Variants in UNC5D observed in about 807,000 individuals in gnomAD.
The protein encoded by UNC5D is unc-5 netrin receptor D.
A neutral mutation model predicts 105.4 loss-of-function variants in UNC5D; 39 were observed. The ratio of observed to expected loss-of-function variants is 0.37; its 90% CI spans 0.29 to 0.48. The LOEUF (loss-of-function observed/expected upper bound fraction) is 0.48, where lower values mean the gene tolerates loss of function less well. Ranked by LOEUF, UNC5D falls within the 20% of genes least tolerant of loss-of-function variation. The pLI is 0.98. For synonymous variants in UNC5D, 452 were observed against 450.4 expected, an observed-to-expected ratio of 1.00 and a Z score of -0.04; for missense variants, 991 against 1,202.4, an observed-to-expected ratio of 0.82 and a Z score of 2.60.
At chr8:35,646,827 ACT>A (rs1455369332) in intron 4 of UNC5D, among the ~76,000 whole-genome samples, 1 of 152,166 alleles carries the variant, frequency 6.6e-6, no homozygotes, top group Admixed American at 6.5e-5. Flanking sequence ...TAAAAGAATA[ACT>A]CTGACTTAAT....
At chr8:35,409,467 T>C (rs1237811488) in intron 1 of UNC5D, among the ~76,000 whole-genome samples, 2 of 149,414 alleles carry the variant, frequency 1.3e-5, no homozygotes, top group African/African-American at 2.4e-5. Flanking sequence ...TGGTTTCTCA[T>C]GGTTTTAACT....
chr8:35,356,059 T>A (rs533261020), intron 1 of UNC5D, among the ~76,000 whole-genome samples: 2 of 152,150 alleles, frequency 1.3e-5, no homozygotes, highest in Non-Finnish European at 2.9e-5. Context: ...GCTGGGTTTA[T>A]AGGAGTGTGC....
chr8:35,646,233 G>A (rs1376352850), intron 4 of UNC5D, among the ~76,000 whole-genome samples: 2 of 152,036 alleles, frequency 1.3e-5, no homozygotes, highest in African/African-American at 4.8e-5. Context: ...CTAGGTGATA[G>A]GTGAGGTGGA....
At chr8:35,628,807 CTAAT>C (rs1349420123) in intron 4 of UNC5D, among the ~76,000 whole-genome samples, 2 of 152,164 alleles carry the variant, frequency 1.3e-5, no homozygotes, top group African/African-American at 4.8e-5. Context: ...CAGTGATACA[CTAAT>C]TAGAGATTTC....
intron 1 of UNC5D, among the ~76,000 whole-genome samples, chr8:35,468,668 CACTA>C (rs1390495580): frequency 2.0e-5 from 3 of 152,168 alleles, no homozygotes; most frequent in African/African-American, 7.2e-5. Flanking sequence ...TGGTTTCCAG[CACTA>C]ACTACTTTAT....
At chr8:35,395,455 T>G (rs1002384688) in intron 1 of UNC5D, among the ~76,000 whole-genome samples, 2 of 152,146 alleles carry the variant, frequency 1.3e-5, no homozygotes, top group African/African-American at 4.8e-5. Flanking sequence ...CAGGAGATAG[T>G]GGGGTGGAGT....
chr8:35,613,034 G>T (rs143723226), intron 4 of UNC5D, among the ~76,000 whole-genome samples: 1 of 152,152 alleles, frequency 6.6e-6, no homozygotes, highest in East Asian at 1.9e-4. Flanking sequence ...CCACTCTTCA[G>T]GGCAGGTAGA....
intron 1 of UNC5D, among the ~76,000 whole-genome samples, chr8:35,292,753 G>A (rs1405657859): frequency 1.7e-5 from 2 of 121,170 alleles, no homozygotes; most frequent in Non-Finnish European, 3.2e-5. Flanking sequence ...GTCTCACTTC[G>A]TTGCCCAGGC....
At chr8:35,679,575 C>A (rs981718446) in intron 4 of UNC5D, among the ~76,000 whole-genome samples, 5 of 152,050 alleles carry the variant, frequency 3.3e-5, no homozygotes, top group African/African-American at 9.7e-5. Flanking sequence ...GCTAGAACCC[C>A]CATAAGGATT....
chr8:35,333,437 T>G (rs1354909992), intron 1 of UNC5D, among the ~76,000 whole-genome samples: 1 of 152,174 alleles, frequency 6.6e-6, no homozygotes, highest in East Asian at 1.9e-4. Flanking sequence ...AGTCTTTTCC[T>G]TAAAGTGACC....
At chr8:35,726,728 G>T in intron 10 of UNC5D, 199 bp downstream of exon 10, 1 of 774,812 alleles carries the variant, frequency 1.3e-6, no homozygotes, top group Middle Eastern at 2.5e-4. Context: ...CTTCATCTCA[G>T]CATGGATTGA....
chr8:35,507,266 A>G (rs1038788165), intron 1 of UNC5D, among the ~76,000 whole-genome samples: 60 of 151,920 alleles, frequency 3.9e-4, no homozygotes, highest in Non-Finnish European at 6.5e-4. Context: ...CGTTTTAGCC[A>G]GGATGGTCTC....
At chr8:35,240,025 T>G (rs577200419) in intron 1 of UNC5D, among the ~76,000 whole-genome samples, 8 of 152,230 alleles carry the variant, frequency 5.3e-5, no homozygotes, top group Admixed American at 2.6e-4. Flanking sequence ...AGTGGCGAAC[T>G]CCTAGGCTCA....
At chr8:35,384,256 A>G (rs1354255553) in intron 1 of UNC5D, among the ~76,000 whole-genome samples, 2 of 152,048 alleles carry the variant, frequency 1.3e-5, no homozygotes, top group Non-Finnish European at 2.9e-5. Flanking sequence ...ATTTAAAATA[A>G]TATGGTCTTA....
intron 1 of UNC5D, among the ~76,000 whole-genome samples, chr8:35,380,426 G>T (rs1395550808): frequency 1.3e-5 from 2 of 152,032 alleles, no homozygotes; most frequent in Admixed American, 6.6e-5. Context: ...TACATAGTGT[G>T]CACATGTAAA....
intron 1 of UNC5D, among the ~76,000 whole-genome samples, chr8:35,283,616 A>C (rs1026811911): frequency 2.0e-5 from 3 of 151,840 alleles, no homozygotes; most frequent in Non-Finnish European, 4.4e-5. Flanking sequence ...CAAAATTACA[A>C]AACCCTGTCT....
At chr8:35,728,510 C>T (rs1829016862) in intron 10 of UNC5D, among the ~76,000 whole-genome samples, 1 of 152,134 alleles carries the variant, frequency 6.6e-6, no homozygotes, top group Non-Finnish European at 1.5e-5. Flanking sequence ...TTTCAAAGCT[C>T]CTGACAAGGA....
intron 1 of UNC5D, among the ~76,000 whole-genome samples, chr8:35,297,466 T>C (rs1807579297): frequency 6.6e-6 from 1 of 152,096 alleles, no homozygotes; most frequent in African/African-American, 2.4e-5. Context: ...AGGATAGAAA[T>C]ATTTAAATGA....
chr8:35,286,526 T>A (rs539878903), intron 1 of UNC5D, among the ~76,000 whole-genome samples: 1 of 152,264 alleles, frequency 6.6e-6, no homozygotes, highest in African/African-American at 2.4e-5. Flanking sequence ...GGCGCTCACA[T>A]GAAATCTTCC....
Sources: gnomAD v4.1 joint callset for allele counts (sites outside exome capture counted in the v4.1 genomes callset) on GRCh38, gnomAD v4.1.1 for gene constraint, MANE v1.5 for transcripts, NCBI Gene and HGNC (gene_info 2026-07-23, HGNC 2026-07-21) for gene names.